GRAMD1C: variants seen among roughly 807,000 people sequenced by gnomAD.
GRAMD1C encodes the protein GRAM domain containing 1C.
Under a neutral mutation model 97.8 loss-of-function variants are expected in GRAMD1C, and 89 were observed. The ratio of observed to expected loss-of-function variants is 0.91; its 90% CI spans 0.77 to 1.09. The LOEUF is 1.09. Among genes scored for constraint, GRAMD1C ranks in the 50% least tolerant of loss-of-function variants. The probability of loss-of-function intolerance (pLI) is 0.00; values close to 1 mark genes in which losing one functional copy is unlikely to be tolerated. For synonymous variants in GRAMD1C, 256 were observed against 267.0 expected (o/e 0.96, Z 0.40); for missense variants, 740 against 766.4 (o/e 0.97, Z 0.41).
At position 113,933,588 on chromosome 3, in the gene GRAMD1C, T is replaced by G. The variant is rs1313000444; in HGVS notation, c.1287T>G (p.His429Gln). 1.2e-6 allele frequency: 2 copies of G among 1,604,142 alleles called. No homozygotes were observed. The highest frequency in any genetic ancestry group is 2.7e-5 in the African/African-American group (2 of 74,710). Residue 429 changes from histidine to glutamine, a missense_variant, in exon 12 of 18, where the codon CAT (histidine) becomes CAG (glutamine). By Grantham distance (24) the His-to-Gln change is conservative (BLOSUM62 0). Transcript: ENST00000358160. ...TACTGACACATGATGTCCCCTACCA[T>G]GATTACTTCTATACCGTGAACAGAT... ...SEVLTHDVPY[H>Q]DYFYTVNRYC...
Position 113,937,373 on chromosome 3 carries a change from GATA to G in GRAMD1C, c.1634-710_1634-708del, listed in dbSNP as rs200207717. On this transcript the variant is annotated intron_variant, in intron 14 of 17. Transcript: ENST00000358160. Reference sequence around the variant, plus strand: ...AAAGTTTGGGTAACAATGAATAGGTGATAATGTTTTGTTTTGTTTTGTTTTTTA... The same window carrying G: ...AAAGTTTGGGTAACAATGAATAGGTGATGTTTTGTTTTGTTTTGTTTTTTA... 6.5e-3 allele frequency among the ~76,000 whole-genome samples: 994 copies of G among 152,252 alleles called. 13 individuals carry two copies. Among genetic ancestry groups the G allele is most frequent in the African/African-American group, 0.022 (898 of 41,548 alleles).
chr3:113,847,617 C>T (rs1298142198), intron 2 of GRAMD1C, among the ~76,000 whole-genome samples: 1 of 152,174 alleles, frequency 6.6e-6, no homozygotes, highest in African/African-American at 2.4e-5. Context: ...TTTCTTCATT[C>T]TCCCCCAAAT....
chr3:113,878,650 C>T (rs547050582), intron 5 of GRAMD1C, among the ~76,000 whole-genome samples: 1 of 152,254 alleles, frequency 6.6e-6, no homozygotes, highest in East Asian at 1.9e-4. Context: ...AAATTCACAT[C>T]AGGACCTCCA....
intron 9 of GRAMD1C, chr3:113,913,175 A>T (rs1344754589): frequency 3.9e-6 from 4 of 1,026,328 alleles, no homozygotes; most frequent in Non-Finnish European, 5.3e-6. Flanking sequence ...GTAGCACCAA[A>T]ACCAGGATTT....
At chr3:113,876,084 G>T in intron 4 of GRAMD1C, 81 bp from the exon 5 acceptor site, 2 of 702,154 alleles carry the variant, frequency 2.8e-6, no homozygotes, top group Non-Finnish European at 5.1e-6. Flanking sequence ...GAATATTCTG[G>T]ATTAGATTGA....
chr3:113,921,848 A>G (rs1280173707), intron 10 of GRAMD1C, among the ~76,000 whole-genome samples: 4 of 152,056 alleles, frequency 2.6e-5, no homozygotes, highest in Non-Finnish European at 5.9e-5. Context: ...TTCCTTATAG[A>G]TTCTGGATGT....
Position 113,939,883 on chromosome 3 carries a change from T to C in GRAMD1C, c.1692-3T>C, listed in dbSNP as rs759877579. 5 of 1,498,668 alleles carry C rather than the reference T, an allele frequency of 3.3e-6. No homozygotes were observed. In the Admixed American group the frequency reaches 5.0e-5, roughly 15 times the overall value. The allele number at this position is 1,498,668 out of a possible 1,614,324, so 92.8% of individuals were successfully genotyped here. The stretch of plus-strand genomic sequence containing the variant: ...GGATTAACATATAATTTGCTCTGCC[T>C]AGTGTGTTGTTATTAGTTTTGTTGA... On this transcript the variant is annotated splice_region_variant and splice_polypyrimidine_tract_variant and intron_variant, in intron 15 of 17. Transcript: ENST00000358160.
At chr3:113,916,260 C>A (rs1254069361) in intron 10 of GRAMD1C, among the ~76,000 whole-genome samples, 1 of 152,120 alleles carries the variant, frequency 6.6e-6, no homozygotes, top group Non-Finnish European at 1.5e-5. Flanking sequence ...GGTATACATT[C>A]ATCAGAAATG....
Position 113,940,253 on chromosome 3 carries a change from A to G in GRAMD1C, c.1816A>G (p.Met606Val), listed in dbSNP as rs141921135. Reference sequence around the variant, plus strand: ...TTTTTCTTTCAGTTTAGCCTCTGATATGGTGTCAAGAGCAGAAACTATTCA... The same window carrying G: ...TTTTTCTTTCAGTTTAGCCTCTGATGTGGTGTCAAGAGCAGAAACTATTCA... ...EEKSLNLASD[M>V]VSRAETIQKN... Residue 606 changes from methionine to valine, a missense_variant, in exon 17 of 18, where the codon ATG becomes GTG. Coordinates refer to ENST00000358160, the MANE Select transcript of GRAMD1C (RefSeq NM_017577.5). 93 of 1,593,364 alleles carry G rather than the reference A, an allele frequency of 5.8e-5. 2 individuals carry two copies. The South Asian group carries it at 9.0e-4, about 16-fold the overall frequency.
At chr3:113,879,454 G>A (rs1481050492) in intron 5 of GRAMD1C, among the ~76,000 whole-genome samples, 2 of 152,056 alleles carry the variant, frequency 1.3e-5, no homozygotes, top group Non-Finnish European at 2.9e-5. Context: ...GTTCTGACAT[G>A]TCATTGTAGG....
chr3:113,867,187 T>C (rs2107365163), intron 2 of GRAMD1C, among the ~76,000 whole-genome samples: 1 of 152,356 alleles, frequency 6.6e-6, no homozygotes, highest in East Asian at 1.9e-4. Context: ...TTATGTAGTC[T>C]TTTAAAAATA....
intron 10 of GRAMD1C, among the ~76,000 whole-genome samples, chr3:113,916,162 G>GTGTAAATT (rs1400228750): frequency 6.6e-6 from 1 of 152,208 alleles, no homozygotes; most frequent in Admixed American, 6.5e-5. Context: ...TTTTGGTGGA[G>GTGTAAATT]TGTAAATTGG....
At position 113,939,948 on chromosome 3, in the gene GRAMD1C, CT is replaced by C. The variant is rs770917292; in HGVS notation, c.1755del (p.Ala586LeufsTer15). 44 of 1,610,014 alleles carry C rather than the reference CT, an allele frequency of 2.7e-5. No individual in the cohort carries two copies. In the Middle Eastern group the frequency reaches 1.2e-3, roughly 42 times the overall value. The stretch of plus-strand genomic sequence containing the variant: ...CTGAAGCTGTCAAAGATAGAACATG[CT>C]GCTCAGTCCTTTTACCGTCTCCGCC... ...LFLKLSKIEHAAQSFYRLRLQ... is the reference protein window; with the variant it reads ...LFLKLSKIEHXAQSFYRLRLQ... On this transcript the variant is annotated frameshift_variant, in exon 16 of 18. Coordinates refer to ENST00000358160, the MANE Select transcript of GRAMD1C (RefSeq NM_017577.5). LOFTEE classifies it high-confidence loss of function.
At chr3:113,874,536 G>T (rs770987496) in intron 3 of GRAMD1C, among the ~76,000 whole-genome samples, 3 of 152,026 alleles carry the variant, frequency 2.0e-5, no homozygotes, top group African/African-American at 7.3e-5. Context: ...GTAGAAACAG[G>T]GTTTCCCCAT....
At chr3:113,927,418 C>T (rs1937264732) in intron 10 of GRAMD1C, among the ~76,000 whole-genome samples, 1 of 152,082 alleles carries the variant, frequency 6.6e-6, no homozygotes, top group Non-Finnish European at 1.5e-5. Context: ...CCAGGTCAAC[C>T]CTGCAGCAAG....
At chr3:113,898,136 T>C (rs1235763954) in intron 6 of GRAMD1C, among the ~76,000 whole-genome samples, 1 of 152,204 alleles carries the variant, frequency 6.6e-6, no homozygotes, top group Admixed American at 6.5e-5. Context: ...TTCCTGCTAG[T>C]ATTTAATACA....
chr3:113,875,489 G>A lies in GRAMD1C; in HGVS notation c.265G>A (p.Ala89Thr). Residue 89 changes from alanine to threonine, a missense_variant, in exon 4 of 18, where the codon GCT (alanine) becomes ACT (threonine). Ala to Thr is a moderately conservative substitution (Grantham distance 58). Transcript: ENST00000358160. ...PDTERLIADY[A>T]CALQRDILLQ... is the part of the protein sequence containing the mutation. ...TCTTATTTTTGTGTATATAGATTAT[G>A]CTTGTGCTCTTCAGAGGGACATTTT... 7.2e-7 allele frequency: 1 copy of A among 1,383,952 alleles called. No homozygotes were observed. The highest frequency in any genetic ancestry group is 2.3e-5 in the East Asian group (1 of 43,868). 85.7% of individuals were successfully genotyped at this position (1,383,952 alleles called of 1,614,324 possible). A position where few individuals can be genotyped will look rare whatever the true frequency, so the allele number is the denominator to read the frequency against.
chr3:113,851,522 C>CTTT (rs35669503), intron 2 of GRAMD1C, among the ~76,000 whole-genome samples: 11 of 133,600 alleles, frequency 8.2e-5, no homozygotes, highest in African/African-American at 2.7e-4. Flanking sequence ...TTCTTTCTTT[C>CTTT]TTTTTTTTTT....
At chr3:113,942,815 C>T (rs1937870172) in intron 17 of GRAMD1C, among the ~76,000 whole-genome samples, 1 of 152,192 alleles carries the variant, frequency 6.6e-6, no homozygotes. Context: ...TTCATGCAAT[C>T]CTTCCTTTGG....
Sources: allele counts gnomAD v4.1 joint callset (sites outside exome capture counted in the v4.1 genomes callset), GRCh38; gene constraint gnomAD v4.1.1; transcripts MANE v1.5; gene names NCBI Gene and HGNC (gene_info 2026-07-23, HGNC 2026-07-21).